The following PCDHA1 variants were observed in gnomAD, a reference collection of about 807,000 sequenced individuals.
The protein encoded by PCDHA1 is protocadherin alpha 1.
PCDHA1 carries 42 observed loss-of-function variants against 61.3 expected under a neutral mutation model. The observed-to-expected ratio is 0.69, with a 90% CI of 0.54 to 0.89. The LOEUF (loss-of-function observed/expected upper bound fraction) is 0.89. Ranked by LOEUF, PCDHA1 falls within the 40% of genes least tolerant of loss-of-function variation. PCDHA1 has a pLI of 0.00. For synonymous variants in PCDHA1, 610 were observed against 553.8 expected, an observed-to-expected ratio of 1.10 and a Z score of -1.43; for missense variants, 1,256 against 1,235.3, an observed-to-expected ratio of 1.02 and a Z score of -0.25.
chr5:140,906,615 T>C (rs2072789527), intron 1 of PCDHA1, among the ~76,000 whole-genome samples: 1 of 152,226 alleles, frequency 6.6e-6, no homozygotes, highest in Admixed American at 6.5e-5. Context: ...TGTATTCCCT[T>C]TGCCTTCAGC....
intron 3 of PCDHA1, among the ~76,000 whole-genome samples, chr5:141,004,166 A>C (rs2098156060): frequency 6.6e-6 from 1 of 152,278 alleles, no homozygotes; most frequent in Non-Finnish European, 1.5e-5. Context: ...AGGCAAAGCC[A>C]GCCAAGTGTC....
rs2150125667 is a variant in PCDHA1 at position 140,823,416 on chromosome 5, C to A, written c.2394+34732C>A. 4 of 1,613,276 alleles carry A rather than the reference C, an allele frequency of 2.5e-6. No individual in the cohort carries two copies. The highest frequency in any genetic ancestry group is 3.4e-6 in the Non-Finnish European group (4 of 1,179,816). On this transcript the variant is annotated intron_variant, in intron 1 of 3. Transcript: ENST00000504120. ...CGGGCGTGCCGCCTCTGGGCAGCAA[C>A]GTGACGCTGCAGGTGTTCGTGCTGG...
chr5:140,829,914 C>T (rs782449533), intron 1 of PCDHA1: 1 of 1,613,998 alleles, frequency 6.2e-7, no homozygotes, highest in Non-Finnish European at 8.5e-7. Flanking sequence ...GCGTGGCTTT[C>T]GTATGAGCTG....
In PCDHA1 at chr5:140,787,363, C is replaced by CTAT. The variant is rs1473545630; in HGVS notation, c.1074_1076dup (p.Ile359dup). 24 of 1,614,106 alleles carry CTAT rather than the reference C, an allele frequency of 1.5e-5. No individual in the cohort carries two copies. Among genetic ancestry groups the CTAT allele is most frequent in the Non-Finnish European group, 1.8e-5 (21 of 1,180,052 alleles). ...CTGGCGGTCACTTCATTGTATTTGCCTATCAGAGAGGACGCTCCACTCAGC... is the reference window on the plus strand; with the variant it reads ...CTGGCGGTCACTTCATTGTATTTGCCTATTATCAGAGAGGACGCTCCACTCAGC... On this transcript the variant is annotated inframe_insertion, in exon 1 of 4. Coordinates refer to ENST00000504120, the MANE Select transcript of PCDHA1 (RefSeq NM_018900.4).
At chr5:140,952,476 G>A (rs1231361903) in intron 1 of PCDHA1, among the ~76,000 whole-genome samples, 1 of 152,148 alleles carries the variant, frequency 6.6e-6, no homozygotes, top group East Asian at 1.9e-4. Context: ...TAAGGAAAGT[G>A]ACATTTGCTC....
At chr5:140,841,271 G>A (rs1554138054) in intron 1 of PCDHA1, 2 of 1,532,504 alleles carry the variant, frequency 1.3e-6, no homozygotes, top group Admixed American at 2.1e-5. Context: ...AAGTACAGTC[G>A]TTCATCTTTA....
chr5:140,876,020 A>G, intron 1 of PCDHA1: 2 of 1,613,802 alleles, frequency 1.2e-6, no homozygotes, highest in South Asian at 1.1e-5. Flanking sequence ...CTTAAAATAA[A>G]AACAAAAAAA....
intron 1 of PCDHA1, chr5:140,824,156 T>G (rs200693729): frequency 1.7e-5 from 27 of 1,611,492 alleles, no homozygotes; most frequent in Non-Finnish European, 2.2e-5. Context: ...ACATCCATCT[T>G]TCCCTCCCAA....
rs548266069 is a variant in PCDHA1 at position 140,886,217 on chromosome 5, T to G, written c.2395-92732T>G. Among the ~76,000 whole-genome samples, 388 of 152,238 alleles carry G rather than the reference T, an allele frequency of 2.5e-3. 1 individual carries two copies. Among genetic ancestry groups the G allele is most frequent in the African/African-American group, 9.1e-3 (377 of 41,582 alleles). Reference sequence around the variant, plus strand: ...GTAATCTGTTCTCCATTTCTCTAATTTTGTTACTTTTACTTCAGAAATAAA... The same window carrying G: ...GTAATCTGTTCTCCATTTCTCTAATGTTGTTACTTTTACTTCAGAAATAAA... On this transcript the variant is annotated intron_variant, in intron 1 of 3. Coordinates refer to ENST00000504120, the MANE Select transcript of PCDHA1 (RefSeq NM_018900.4).
intron 3 of PCDHA1, among the ~76,000 whole-genome samples, chr5:141,005,068 A>C (rs1314916800): frequency 6.6e-6 from 1 of 152,256 alleles, no homozygotes. Flanking sequence ...GCATTGTGCT[A>C]AGGATCAAGC....
In PCDHA1 at chr5:140,862,844, C is replaced by T. The variant is rs782433146; in HGVS notation, c.2394+74160C>T. 8 of 571,262 alleles carry T rather than the reference C, an allele frequency of 1.4e-5. No homozygotes were observed. In the East Asian group the frequency reaches 3.8e-4, roughly 27 times the overall value. The allele number at this position is 571,262 out of a possible 1,614,324, so 35.4% of individuals were successfully genotyped here. ...AGAGCGCGCGACGCGGGCATGCCGC[C>T]TCTGAGCAGCAATGTGACGCTGCCA... is the stretch of plus-strand genomic sequence containing the variant. On this transcript the variant is annotated intron_variant, in intron 1 of 3. Coordinates refer to ENST00000504120, the MANE Select transcript of PCDHA1 (RefSeq NM_018900.4).
At chr5:140,874,703 A>G (rs782809395) in intron 1 of PCDHA1, among the ~76,000 whole-genome samples, 16 of 152,270 alleles carry the variant, frequency 1.1e-4, no homozygotes, top group Admixed American at 7.2e-4. Flanking sequence ...TATGGAAATG[A>G]GAGCAGTTAT....
chr5:140,988,551 ATCT>A (rs1472655983), intron 3 of PCDHA1, among the ~76,000 whole-genome samples: 4 of 152,158 alleles, frequency 2.6e-5, no homozygotes, highest in South Asian at 2.1e-4. Flanking sequence ...GACTTTCTTC[ATCT>A]TCTTCTTGGG....
At chr5:140,858,235 A>T (rs2045286318) in intron 1 of PCDHA1, 1 of 1,596,218 alleles carries the variant, frequency 6.3e-7, no homozygotes, top group African/African-American at 1.3e-5. Flanking sequence ...CCGAGGGCGC[A>T]TGTGGGCCGG....
chr5:140,837,058 T>C, intron 1 of PCDHA1: 1 of 190,160 alleles, frequency 5.3e-6, no homozygotes, highest in Non-Finnish European at 1.1e-5. Flanking sequence ...TACATTTCCA[T>C]ATTTTGATAA....
chr5:140,958,677 G>C (rs917513084), intron 1 of PCDHA1, among the ~76,000 whole-genome samples: 3 of 152,090 alleles, frequency 2.0e-5, no homozygotes, highest in Non-Finnish European at 2.9e-5. Context: ...TAATTATAAA[G>C]GATATTGAAT....
At chr5:140,807,856 T>G (rs781955377) in intron 1 of PCDHA1, 1 of 1,614,214 alleles carries the variant, frequency 6.2e-7, no homozygotes, top group Non-Finnish European at 8.5e-7. Flanking sequence ...CCGAGTTGAC[T>G]GGCACCGTTC....
At chr5:140,823,161 C>T (rs1767584592) in intron 1 of PCDHA1, 1 of 1,613,930 alleles carries the variant, frequency 6.2e-7, no homozygotes, top group Non-Finnish European at 8.5e-7. Context: ...ATACCGTGTT[C>T]GTGAAGGAGA....
intron 1 of PCDHA1, among the ~76,000 whole-genome samples, chr5:140,799,122 T>A (rs1762395136): frequency 6.6e-6 from 1 of 152,188 alleles, no homozygotes; most frequent in Non-Finnish European, 1.5e-5. Flanking sequence ...CTTATTTACA[T>A]TTTTTCTTGG....
Sources: allele counts gnomAD v4.1 joint callset (sites outside exome capture counted in the v4.1 genomes callset), GRCh38; gene constraint gnomAD v4.1.1; transcripts MANE v1.5; gene names NCBI Gene and HGNC (gene_info 2026-07-23, HGNC 2026-07-21).